Variants in GTF2F2 observed in about 807,000 individuals in gnomAD.
GTF2F2 encodes ATP-dependent helicase GTF2F2.
In GTF2F2, 23 loss-of-function variants were observed where a neutral mutation model predicts 42.2. The ratio of observed to expected loss-of-function variants is 0.55; its 90% CI spans 0.39 to 0.77. GTF2F2 has a LOEUF of 0.77. GTF2F2 is among the 30% of genes least tolerant of loss of function. The pLI is 0.00. For missense variants in GTF2F2, 261 were observed against 287.2 expected, an observed-to-expected ratio of 0.91 and a Z score of 0.66; for synonymous variants, 105 against 100.8, an observed-to-expected ratio of 1.04 and a Z score of -0.25.
At chr13:45,148,231 A>C (rs1870302520) in intron 2 of GTF2F2, among the ~76,000 whole-genome samples, 1 of 152,136 alleles carries the variant, frequency 6.6e-6, no homozygotes, top group African/African-American at 2.4e-5. Context: ...TACTCTGTAT[A>C]TATTTTCTAG....
At chr13:45,254,816 C>A (rs541428143) in intron 6 of GTF2F2, among the ~76,000 whole-genome samples, 1 of 152,234 alleles carries the variant, frequency 6.6e-6, no homozygotes, top group East Asian at 1.9e-4. Flanking sequence ...AATTTTGTAT[C>A]CCACTTTGTT....
At chr13:45,265,065 C>A (rs1876507615) in intron 6 of GTF2F2, among the ~76,000 whole-genome samples, 1 of 152,084 alleles carries the variant, frequency 6.6e-6, no homozygotes, top group African/African-American at 2.4e-5. Flanking sequence ...TCGAGACCAG[C>A]CTGGCCAACA....
chr13:45,265,336 T>C (rs1241114572), intron 6 of GTF2F2, among the ~76,000 whole-genome samples: 1 of 152,178 alleles, frequency 6.6e-6, no homozygotes, highest in Non-Finnish European at 1.5e-5. Flanking sequence ...TTTGCATTTT[T>C]TTTAAGCATG....
At chr13:45,147,476 G>A (rs1180420958) in intron 2 of GTF2F2, among the ~76,000 whole-genome samples, 1 of 152,208 alleles carries the variant, frequency 6.6e-6, no homozygotes, top group South Asian at 2.1e-4. Context: ...GGACTGTGGT[G>A]AATTTAGTGC....
At chr13:45,266,953 G>A (rs188924962) in intron 6 of GTF2F2, among the ~76,000 whole-genome samples, 437 of 152,228 alleles carry the variant, frequency 2.9e-3, no homozygotes, top group Non-Finnish European at 5.1e-3. Context: ...TTCCAGGCCA[G>A]CCTGGCCAAC....
chr13:45,135,111 G>A lies in GTF2F2; in HGVS notation c.67-1622G>A, dbSNP rs550043687. Among the ~76,000 whole-genome samples the A allele has an allele frequency of 9.6e-4, 146 of 152,070 alleles. 2 individuals are homozygous for A. The Middle Eastern group carries it at 0.024, about 25-fold the overall frequency. On this transcript the variant is annotated intron_variant, in intron 1 of 7. Coordinates refer to ENST00000340473, the MANE Select transcript of GTF2F2 (RefSeq NM_004128.3). ...TGGGACCACAGGCATGTGCCACTGC[G>A]CCCAGCTAATTTTTGTATTTTTAGT...
intron 4 of GTF2F2, among the ~76,000 whole-genome samples, chr13:45,205,238 G>C (rs995214836): frequency 3.3e-5 from 5 of 152,166 alleles, no homozygotes; most frequent in African/African-American, 1.2e-4. Flanking sequence ...TACATTCATG[G>C]TGGAAAGCAA....
At chr13:45,243,227 C>T (rs1322639002) in intron 5 of GTF2F2, among the ~76,000 whole-genome samples, 2 of 152,130 alleles carry the variant, frequency 1.3e-5, no homozygotes, top group Admixed American at 1.3e-4. Context: ...ATCAGGGGTT[C>T]CTCAACGCCT....
At chr13:45,224,004 CTATAT>C (rs1227511373) in intron 5 of GTF2F2, among the ~76,000 whole-genome samples, 3 of 152,126 alleles carry the variant, frequency 2.0e-5, no homozygotes, top group Non-Finnish European at 4.4e-5. Flanking sequence ...TCTTTCTAAG[CTATAT>C]TATATATTAA....
intron 5 of GTF2F2, among the ~76,000 whole-genome samples, chr13:45,243,410 C>T (rs1234744304): frequency 1.3e-5 from 2 of 152,274 alleles, no homozygotes; most frequent in Middle Eastern, 3.4e-3. Context: ...ATCTAGGTTG[C>T]GTGCTCCTTA....
At chr13:45,232,662 C>T (rs1874744218) in intron 5 of GTF2F2, among the ~76,000 whole-genome samples, 1 of 152,088 alleles carries the variant, frequency 6.6e-6, no homozygotes, top group African/African-American at 2.4e-5. Flanking sequence ...AAAAACACTT[C>T]TCATTATAGT....
intron 6 of GTF2F2, among the ~76,000 whole-genome samples, chr13:45,259,836 C>T (rs962770068): frequency 6.6e-6 from 1 of 151,912 alleles, no homozygotes; most frequent in African/African-American, 2.4e-5. Flanking sequence ...GTGATCCACC[C>T]ATCTCGGCCT....
intron 4 of GTF2F2, among the ~76,000 whole-genome samples, chr13:45,163,418 A>G (rs1871127445): frequency 6.6e-6 from 1 of 152,024 alleles, no homozygotes; most frequent in Non-Finnish European, 1.5e-5. Flanking sequence ...CGCTTGTAGC[A>G]CCAGCTGTTC....
chr13:45,247,148 G>A (rs546786680), intron 5 of GTF2F2, among the ~76,000 whole-genome samples: 100 of 151,828 alleles, frequency 6.6e-4, no homozygotes, highest in African/African-American at 2.3e-3. Flanking sequence ...ACAGGAGTTC[G>A]AGACCAGCCT....
At chr13:45,185,412 A>C (rs925121437) in intron 4 of GTF2F2, among the ~76,000 whole-genome samples, 4 of 151,536 alleles carry the variant, frequency 2.6e-5, no homozygotes, top group Admixed American at 2.6e-4. Flanking sequence ...TGTAACACCA[A>C]CTTATAATAT....
At chr13:45,171,069 CTTTTTTTTT>C (rs908914894) in intron 4 of GTF2F2, among the ~76,000 whole-genome samples, 5 of 94,246 alleles carry the variant, frequency 5.3e-5, no homozygotes, top group South Asian at 6.8e-4. Context: ...AAAACCCTAT[CTTTTTTTTT>C]TTTTTTTTTT....
chr13:45,184,963 C>T (rs2138161223), intron 4 of GTF2F2, among the ~76,000 whole-genome samples: 1 of 152,224 alleles, frequency 6.6e-6, no homozygotes, highest in South Asian at 2.1e-4. Flanking sequence ...AGGTGTGGGC[C>T]ACCACGCCCA....
chr13:45,203,205 T>C (rs1873277895), intron 4 of GTF2F2, among the ~76,000 whole-genome samples: 1 of 151,744 alleles, frequency 6.6e-6, no homozygotes, highest in Admixed American at 6.6e-5. Context: ...GCCTCCCAAA[T>C]AGCTAGGACT....
intron 5 of GTF2F2, among the ~76,000 whole-genome samples, chr13:45,234,673 G>A (rs1490281466): frequency 6.6e-6 from 1 of 152,172 alleles, no homozygotes; most frequent in Non-Finnish European, 1.5e-5. Context: ...TAATGTCAGA[G>A]TTGCATAATT....
Sources: gnomAD v4.1 joint callset for allele counts (sites outside exome capture counted in the v4.1 genomes callset) on GRCh38, gnomAD v4.1.1 for gene constraint, MANE v1.5 for transcripts, NCBI Gene and HGNC (gene_info 2026-07-23, HGNC 2026-07-21) for gene names.